The following PIP5K1C variants were observed in gnomAD, a reference collection of about 807,000 sequenced individuals.
PIP5K1C encodes the protein phosphatidylinositol-4-phosphate 5-kinase type 1 gamma.
PIP5K1C carries 45 observed loss-of-function variants against 80.1 expected under a neutral mutation model. The observed-to-expected ratio is 0.56, with a 90% CI of 0.44 to 0.72. PIP5K1C has a LOEUF of 0.72. Among genes scored for constraint, PIP5K1C ranks in the 30% least tolerant of loss-of-function variants. The pLI is 0.00. For missense variants in PIP5K1C, 753 were observed against 954.6 expected (o/e 0.79, Z 2.78); for synonymous variants, 498 against 420.1 (o/e 1.19, Z -2.27).
At chr19:3,656,900 C>T (rs890159068) in intron 5 of PIP5K1C, among the ~76,000 whole-genome samples, 1 of 152,240 alleles carries the variant, frequency 6.6e-6, no homozygotes, top group African/African-American at 2.4e-5. Context: ...GGGGCCACAA[C>T]GCCAGCTCTG....
chr19:3,643,911 C>A lies in PIP5K1C; in HGVS notation c.1510+176G>T, dbSNP rs35508845. On this transcript the variant is annotated intron_variant, in intron 12 of 17. Transcript: ENST00000335312. The stretch of plus-strand genomic sequence containing the variant: ...TGGAGCCTTCTATACTCAGCTCCCC[C>A]TGGGCTCTTCCCTGGGGCGGTCCCA... 3.4e-3 allele frequency among the ~76,000 whole-genome samples: 525 copies of A among 152,276 alleles called. 2 individuals are homozygous for A. The highest frequency in any genetic ancestry group is 6.4e-3 in the Non-Finnish European group (432 of 68,004).
intron 16 of PIP5K1C, among the ~76,000 whole-genome samples, chr19:3,634,551 A>G (rs2033595291): frequency 6.6e-6 from 1 of 152,158 alleles, no homozygotes; most frequent in Non-Finnish European, 1.5e-5. Context: ...AACTCGCCAC[A>G]GTCACAACCC....
At position 3,637,512 on chromosome 19, in the gene PIP5K1C, G is replaced by A. The variant is rs567109747; in HGVS notation, c.1920+1372C>T. The A allele has an allele frequency of 8.1e-4, 1,238 of 1,535,596 alleles. 10 individuals are homozygous for A. In the Admixed American group the frequency reaches 0.012, roughly 15 times the overall value. On this transcript the variant is annotated intron_variant, in intron 16 of 17. Transcript: ENST00000335312. The surrounding 1 kb of genome is among the most constrained non-coding windows in gnomAD (Gnocchi z 7.0). ...CGAGGGGCACTGCCCCTTCTCCCCA[G>A]GGTGGCCGGCTGCGGTCACTTACAG...
chr19:3,673,200 G>A (rs2035265095), intron 1 of PIP5K1C, among the ~76,000 whole-genome samples: 1 of 152,116 alleles, frequency 6.6e-6, no homozygotes, highest in Admixed American at 6.5e-5. Context: ...GCGCCACCCT[G>A]TGTCATGGCC....
At chr19:3,687,997 C>A (rs1329694922) in intron 1 of PIP5K1C, among the ~76,000 whole-genome samples, 1 of 152,200 alleles carries the variant, frequency 6.6e-6, no homozygotes, top group East Asian at 1.9e-4. Context: ...CGGGCCGGGG[C>A]AGGAGGCTGT....
At chr19:3,678,752 A>AGGGATGGC (rs1392372791) in intron 1 of PIP5K1C, among the ~76,000 whole-genome samples, 2 of 99,938 alleles carry the variant, frequency 2.0e-5, no homozygotes, top group Non-Finnish European at 3.9e-5. Flanking sequence ...GGAGGGACAG[A>AGGGATGGC]GGGATGGCGG....
At chr19:3,680,974 AG>A (rs2035572203) in intron 1 of PIP5K1C, among the ~76,000 whole-genome samples, 1 of 152,208 alleles carries the variant, frequency 6.6e-6, no homozygotes, top group Admixed American at 6.5e-5. Context: ...TGCAGTGCCC[AG>A]GATGGCCCTA....
chr19:3,657,383 A>G (rs2034669083), intron 5 of PIP5K1C, among the ~76,000 whole-genome samples: 1 of 152,154 alleles, frequency 6.6e-6, no homozygotes, highest in East Asian at 1.9e-4. Flanking sequence ...GAACCAATGA[A>G]GTGTGCATGG....
intron 1 of PIP5K1C, among the ~76,000 whole-genome samples, chr19:3,697,238 G>C (rs2145631315): frequency 1.3e-5 from 2 of 151,878 alleles, no homozygotes; most frequent in African/African-American, 4.8e-5. Context: ...GGAGGACCGA[G>C]CTGGACCCGG....
chr19:3,647,784 T>A (rs1236031140), intron 9 of PIP5K1C, among the ~76,000 whole-genome samples: 2 of 152,216 alleles, frequency 1.3e-5, no homozygotes, highest in South Asian at 2.1e-4. Flanking sequence ...CCATCTCTAC[T>A]AAAAATACAA....
At chr19:3,647,281 C>A in intron 10 of PIP5K1C, 57 bp downstream of exon 10, 1 of 1,424,346 alleles carries the variant, frequency 7.0e-7, no homozygotes, top group Non-Finnish European at 9.6e-7. Context: ...AGGGTGCAGG[C>A]ACTCACAGGA....
chr19:3,644,095 T>A lies in PIP5K1C; in HGVS notation c.1502A>T (p.Glu501Val), dbSNP rs1478637485. The A allele has an allele frequency of 1.2e-6, 2 of 1,611,106 alleles. No homozygotes were observed. The highest frequency in any genetic ancestry group is 3.3e-5 in the Admixed American group (2 of 60,012). The change falls in exon 12 of 18, where the codon GAG becomes GTG. Residue 501 changes from glutamate (E) to valine (V), a missense_variant. Glu to Val is a moderately radical substitution (Grantham distance 121, BLOSUM62 -2). Around this residue, in one of 6 missense-constraint regions of PIP5K1C, gnomAD observed 315 missense variants for 294.5 expected, o/e 1.07. Transcript: ENST00000335312. Reference protein sequence around the residue: ...LRGARSYPTLEDEGRPDLLPC... With the variant: ...LRGARSYPTLVDEGRPDLLPC... Reference sequence around the variant, plus strand: ...TGCCCTCTGCCCCTCACCTTCGTCCTCCAGCGTGGGGTAGCTGCGGGCCCC... The same window carrying A: ...TGCCCTCTGCCCCTCACCTTCGTCCACCAGCGTGGGGTAGCTGCGGGCCCC...
rs570716714 is a variant in PIP5K1C, at chr19:3,648,480, C to A, written c.1211+145G>T. The A allele has an allele frequency of 8.7e-6, 7 of 802,552 alleles. No homozygotes were observed. The East Asian group carries it at 1.6e-4, about 18-fold the overall frequency. The allele number at this position is 802,552 out of a possible 1,614,324, so 49.7% of individuals were successfully genotyped here. A position where few individuals can be genotyped will look rare whatever the true frequency, so the allele number is the denominator to read the frequency against. Reference sequence around the variant, plus strand: ...GCATGGGTGTCCTGGGGGCGCCCATCCACCTGTGGGACTGCAGACCCAGGC... The same window carrying A: ...GCATGGGTGTCCTGGGGGCGCCCATACACCTGTGGGACTGCAGACCCAGGC... On this transcript the variant is annotated intron_variant, in intron 9 of 17. Coordinates refer to ENST00000335312, the MANE Select transcript of PIP5K1C (RefSeq NM_012398.3). The surrounding 1 kb of genome is among the most constrained non-coding windows in gnomAD (Gnocchi z 4.3).
Position 3,643,293 on chromosome 19 carries a change from G to A in PIP5K1C, c.1599C>T (p.Leu533=), listed in dbSNP as rs940577822. 2.5e-6 allele frequency: 4 copies of A among 1,613,918 alleles called. No homozygotes were observed. The highest frequency in any genetic ancestry group is 1.3e-5 in the African/African-American group (1 of 74,926). ...SIATTLSSTS[L]SIPERSPSET... is the part of the protein sequence containing the mutation. ...CCGAGGGGGACCGCTCAGGAATGGA[G>A]AGGGATGTGGATGACAGAGTCGTGG... Residue 533 remains leucine, a synonymous_variant, in exon 13 of 18, where the codon CTC becomes CTT. Coordinates refer to ENST00000335312, the MANE Select transcript of PIP5K1C (RefSeq NM_012398.3).
Position 3,643,479 on chromosome 19 carries a change from C to G in PIP5K1C, c.1511-98G>C, listed in dbSNP as rs1366352731. The G allele has an allele frequency of 4.1e-6, 6 of 1,452,268 alleles. No individual in the cohort carries two copies. The African/African-American group carries it at 8.3e-5, about 20-fold the overall frequency. 90.0% of individuals were successfully genotyped at this position (1,452,268 alleles called of 1,614,324 possible). A position where few individuals can be genotyped will look rare whatever the true frequency, so the allele number is the denominator to read the frequency against. On this transcript the variant is annotated intron_variant, in intron 12 of 17. Coordinates refer to ENST00000335312, the MANE Select transcript of PIP5K1C (RefSeq NM_012398.3). ...CTTGGCTCACCCTGGGAACCCACAGCCCAGTGCCCGCCCGCCTCCCAGACA... is the reference window on the plus strand; with the variant it reads ...CTTGGCTCACCCTGGGAACCCACAGGCCAGTGCCCGCCCGCCTCCCAGACA...
At chr19:3,652,131 G>A in intron 7 of PIP5K1C, 100 bp from the exon 8 acceptor site, 4 of 1,119,600 alleles carry the variant, frequency 3.6e-6, no homozygotes, top group Non-Finnish European at 5.3e-6. Flanking sequence ...TGGCCCCGTG[G>A]GCTCGGGTGT....
chr19:3,696,233 A>C lies in PIP5K1C; in HGVS notation c.94+4064T>G, dbSNP rs1306822280. The stretch of plus-strand genomic sequence containing the variant: ...TTGGCAAGGCCTTCCCAGCCACCCC[A>C]TTCTACCTTACCCTTCCTCCCTGGC... On this transcript the variant is annotated intron_variant, in intron 1 of 17. Coordinates refer to ENST00000335312, the MANE Select transcript of PIP5K1C (RefSeq NM_012398.3). This position sits in a 1 kb window ranked among gnomAD's most constrained non-coding sequence, Gnocchi z 4.1. Among the ~76,000 whole-genome samples the C allele has an allele frequency of 6.6e-6, 1 of 152,028 alleles. No individual in the cohort carries two copies. The highest frequency in any genetic ancestry group is 6.6e-5 in the Admixed American group (1 of 15,260).
At chr19:3,639,853 G>C (rs920961234) in intron 15 of PIP5K1C, among the ~76,000 whole-genome samples, 2 of 152,220 alleles carry the variant, frequency 1.3e-5, no homozygotes, top group Non-Finnish European at 2.9e-5. Context: ...TTGCGGAAAC[G>C]GAGGCACGGA....
At chr19:3,695,168 G>C (rs756355533) in intron 1 of PIP5K1C, among the ~76,000 whole-genome samples, 11 of 152,244 alleles carry the variant, frequency 7.2e-5, no homozygotes, top group Non-Finnish European at 1.5e-4. Context: ...AGTCCCGTTA[G>C]CACCAGAAGA....
Sources: allele counts gnomAD v4.1 joint callset (sites outside exome capture counted in the v4.1 genomes callset), GRCh38; gene constraint gnomAD v4.1.1; regional missense constraint gnomAD v4.1.1; non-coding constraint Gnocchi (gnomAD v3.1); transcripts MANE v1.5; gene names NCBI Gene and HGNC (gene_info 2026-07-23, HGNC 2026-07-21).